The following CPSF3 variants were observed in gnomAD, a reference collection of about 807,000 sequenced individuals.
The protein encoded by CPSF3 is cleavage and polyadenylation specific factor 3, also known as cleavage and polyadenylation specificity factor subunit 3.
In CPSF3, 57 loss-of-function variants were observed where a neutral mutation model predicts 84.1. That is an observed-to-expected ratio of 0.68 (90% CI 0.55 to 0.85). CPSF3 has a LOEUF of 0.85. Ranked by LOEUF, CPSF3 falls within the 40% of genes least tolerant of loss-of-function variation. CPSF3 has a pLI of 0.00. For missense variants in CPSF3, 522 were observed against 838.8 expected, an observed-to-expected ratio of 0.62 and a Z score of 4.66; for synonymous variants, 275 against 278.1, an observed-to-expected ratio of 0.99 and a Z score of 0.11.
intron 12 of CPSF3, among the ~76,000 whole-genome samples, chr2:9,455,325 G>A (rs2124848769): frequency 6.6e-6 from 1 of 152,080 alleles, no homozygotes; most frequent in East Asian, 1.9e-4. Flanking sequence ...TAGTAGAGAC[G>A]GTGTTTCACA....
chr2:9,430,681 GCAA>G, intron 3 of CPSF3, 68 bp from the exon 4 acceptor site: 1 of 1,436,674 alleles, frequency 7.0e-7, no homozygotes, highest in Non-Finnish European at 9.5e-7. Flanking sequence ...TGTACAGTAA[GCAA>G]CAGTTTCATT....
At chr2:9,436,130 C>G (rs1160441881) in intron 6 of CPSF3, 81 bp from the exon 7 acceptor site, 1 of 1,211,664 alleles carries the variant, frequency 8.3e-7, no homozygotes, top group East Asian at 2.4e-5. Context: ...TGCTTAGCCC[C>G]TCAGTATTTC....
chr2:9,468,676 GAGTGC>G (rs1482100912), intron 16 of CPSF3, among the ~76,000 whole-genome samples: 1 of 141,130 alleles, frequency 7.1e-6, no homozygotes, highest in Non-Finnish European at 1.5e-5. Flanking sequence ...GCCCAGGCTG[GAGTGC>G]AGTGGCACAA....
Position 9,436,371 on chromosome 2 carries a change from T to G in CPSF3, c.760+10T>G, listed in dbSNP as rs1257078150. On this transcript the variant is annotated intron_variant, in intron 7 of 17. Transcript: ENST00000238112. ...CTGCTCTTGATTCTAGGTATGCCAT[T>G]TCCTTTGTATTTAGGCGATGATCAA... is the stretch of plus-strand genomic sequence containing the variant. 6.3e-7 allele frequency: 1 copy of G among 1,594,862 alleles called. No individual in the cohort carries two copies. The highest frequency in any genetic ancestry group is 8.5e-7 in the Non-Finnish European group (1 of 1,173,312).
At chr2:9,461,594 C>T (rs1300535607) in intron 15 of CPSF3, among the ~76,000 whole-genome samples, 3 of 151,482 alleles carry the variant, frequency 2.0e-5, no homozygotes, top group African/African-American at 4.9e-5. Context: ...TGCTTGAAAC[C>T]GGGGGGCGGA....
intron 1 of CPSF3, among the ~76,000 whole-genome samples, chr2:9,426,956 C>A (rs1680416333): frequency 6.6e-6 from 1 of 151,020 alleles, no homozygotes; most frequent in African/African-American, 2.4e-5. Flanking sequence ...CAGAGTATAG[C>A]GAATTGAGGA....
At chr2:9,466,248 G>A (rs1462869564) in intron 15 of CPSF3, among the ~76,000 whole-genome samples, 2 of 93,084 alleles carry the variant, frequency 2.1e-5, no homozygotes, top group Admixed American at 2.0e-4. Context: ...GCGCACGCAC[G>A]CGCACACACG....
At chr2:9,464,359 C>T (rs1038979957) in intron 15 of CPSF3, among the ~76,000 whole-genome samples, 1 of 151,654 alleles carries the variant, frequency 6.6e-6, no homozygotes, top group Non-Finnish European at 1.5e-5. Context: ...TATATATATA[C>T]ATATATATAC....
At chr2:9,441,333 T>G (rs1378383218) in intron 8 of CPSF3, among the ~76,000 whole-genome samples, 1 of 152,258 alleles carries the variant, frequency 6.6e-6, no homozygotes, top group Non-Finnish European at 1.5e-5. Flanking sequence ...TCATAAAGTA[T>G]TTATTTTAAG....
intron 15 of CPSF3, among the ~76,000 whole-genome samples, chr2:9,464,553 T>G (rs1681837597): frequency 6.6e-6 from 1 of 151,904 alleles, no homozygotes. Context: ...ACCTGGTTAG[T>G]TTTTTGTTTT....
chr2:9,423,867 G>C, intron 1 of CPSF3, 44 bp downstream of exon 1: 7 of 1,606,344 alleles, frequency 4.4e-6, no homozygotes, highest in Non-Finnish European at 5.9e-6. Context: ...GGGCTGTGAG[G>C]GGCGCGAGGG....
At chr2:9,466,619 A>G (rs531254377) in intron 15 of CPSF3, among the ~76,000 whole-genome samples, 19 of 152,148 alleles carry the variant, frequency 1.2e-4, no homozygotes, top group Non-Finnish European at 2.6e-4. Flanking sequence ...AAATAAATGC[A>G]CACCTCCGAA....
intron 17 of CPSF3, among the ~76,000 whole-genome samples, 167 bp from the exon 18 acceptor site, chr2:9,472,749 G>C (rs1473235634): frequency 1.3e-5 from 2 of 152,028 alleles, no homozygotes; most frequent in East Asian, 3.9e-4. Context: ...AACCTTCCCG[G>C]CTCAGTGATC....
chr2:9,458,740 A>G (rs1233170763), intron 14 of CPSF3, among the ~76,000 whole-genome samples: 1 of 152,148 alleles, frequency 6.6e-6, no homozygotes, highest in East Asian at 1.9e-4. Flanking sequence ...TAGGGTAAAC[A>G]TGTCAGAGAT....
intron 12 of CPSF3, among the ~76,000 whole-genome samples, chr2:9,454,133 G>A (rs566380775): frequency 4.6e-5 from 7 of 152,194 alleles, no homozygotes; most frequent in East Asian, 3.9e-4. Flanking sequence ...GCAGTGGCCC[G>A]GCACGGTGGC....
At chr2:9,448,626 G>A (rs542382696) in intron 11 of CPSF3, among the ~76,000 whole-genome samples, 6 of 152,204 alleles carry the variant, frequency 3.9e-5, no homozygotes, top group South Asian at 2.1e-4. Flanking sequence ...GTGCGATCTC[G>A]GCTCACTGCA....
intron 10 of CPSF3, among the ~76,000 whole-genome samples, chr2:9,444,147 T>TATATATATATA (rs1179242992): frequency 1.4e-5 from 2 of 141,232 alleles, no homozygotes; most frequent in Non-Finnish European, 3.1e-5. Context: ...ATATTATATA[T>TATATATATATA]ATATATATAT....
In CPSF3 at chr2:9,432,657, C is replaced by T. The variant is rs768331728; in HGVS notation, c.488C>T (p.Ala163Val). The T allele has an allele frequency of 6.4e-7, 1 of 1,555,468 alleles. No individual in the cohort carries two copies. The highest frequency in any genetic ancestry group is 1.2e-5 in the South Asian group (1 of 83,200). ...CATGCAGGTCACGTCCTAGGAGCCG[C>T]CATGTTCATGATTGAGATCGCAGGC... The part of the protein sequence containing the change: ...CYHAGHVLGA[A>V]MFMIEIAGVK... Residue 163 changes from alanine to valine, a missense_variant, in exon 5 of 18, where the codon GCC becomes GTC. Physicochemically the swap from Ala to Val is moderately conservative, Grantham distance 64. Around this residue, in one of 2 missense-constraint regions of CPSF3, gnomAD observed 329 missense variants for 607.2 expected, o/e 0.54. Coordinates refer to ENST00000238112, the MANE Select transcript of CPSF3 (RefSeq NM_016207.4).
chr2:9,468,193 ATTAACT>A (rs1682040558), intron 16 of CPSF3, among the ~76,000 whole-genome samples: 1 of 152,208 alleles, frequency 6.6e-6, no homozygotes. Flanking sequence ...TAAGCGATGA[ATTAACT>A]TTAAACTAAG....
Sources: gnomAD v4.1 joint callset for allele counts (sites outside exome capture counted in the v4.1 genomes callset) on GRCh38, gnomAD v4.1.1 for gene constraint, gnomAD v4.1.1 regional missense constraint, MANE v1.5 for transcripts, NCBI Gene and HGNC (gene_info 2026-07-23, HGNC 2026-07-21) for gene names.